The following TDG variants were observed in gnomAD, a reference collection of about 807,000 sequenced individuals.
The protein encoded by TDG is G/T mismatch-specific thymine DNA glycosylase.
TDG carries 23 observed loss-of-function variants against 46.1 expected under a neutral mutation model. The observed-to-expected ratio is 0.50, with a 90% CI of 0.36 to 0.71. The LOEUF (loss-of-function observed/expected upper bound fraction) is 0.71. Ranked by LOEUF, TDG falls within the 30% of genes least tolerant of loss-of-function variation. The pLI is 0.00. For missense variants in TDG, 304 were observed against 486.7 expected (o/e 0.62, Z 3.53); for synonymous variants, 115 against 161.3 (o/e 0.71, Z 2.18).
At chr12:103,982,220 A>G (rs895895490) in intron 4 of TDG, among the ~76,000 whole-genome samples, 48 of 152,230 alleles carry the variant, frequency 3.2e-4, no homozygotes, top group African/African-American at 1.1e-3. Flanking sequence ...TGGAACTAAT[A>G]ATAACATATT....
intron 1 of TDG, among the ~76,000 whole-genome samples, chr12:103,976,561 G>A (rs989043738): frequency 3.9e-5 from 6 of 152,204 alleles, no homozygotes; most frequent in Admixed American, 6.5e-5. Flanking sequence ...TGTATTTGGG[G>A]ACATCTTAAC....
intron 1 of TDG, among the ~76,000 whole-genome samples, chr12:103,973,188 G>A (rs919216068): frequency 1.3e-5 from 2 of 149,516 alleles, no homozygotes; most frequent in South Asian, 2.1e-4. Flanking sequence ...GGGTTCAAGC[G>A]ATTCTCCTAC....
intron 8 of TDG, among the ~76,000 whole-genome samples, chr12:103,985,132 C>T (rs1325941522): frequency 2.2e-5 from 3 of 134,172 alleles, no homozygotes; most frequent in African/African-American, 5.6e-5. Flanking sequence ...CACTTGTGTG[C>T]GTATACATAT....
intron 1 of TDG, among the ~76,000 whole-genome samples, chr12:103,974,269 C>CG (rs1298895617): frequency 2.1e-5 from 1 of 48,098 alleles, no homozygotes; most frequent in South Asian, 9.4e-4. Context: ...CATTTGCCCT[C>CG]TTTTGTTGTT....
chr12:103,973,672 T>A (rs1361719991), intron 1 of TDG, among the ~76,000 whole-genome samples: 2 of 152,122 alleles, frequency 1.3e-5, no homozygotes, highest in African/African-American at 4.8e-5. Flanking sequence ...AATAAAACTA[T>A]GGAAAAAAAG....
intron 1 of TDG, among the ~76,000 whole-genome samples, chr12:103,972,552 G>C (rs1402099999): frequency 6.6e-6 from 1 of 152,172 alleles, no homozygotes; most frequent in Admixed American, 6.5e-5. Context: ...CAGCTGTTGA[G>C]GTAAACAAAC....
At position 103,988,552 on chromosome 12, in the gene TDG, T is replaced by A. The variant is rs1463061019; in HGVS notation, c.*1462T>A. ...CATCAGGGATTAGGAGCAATTAAAT[T>A]ATTTTTTCACGGGACTGTGTAAAGC... On this transcript the variant is annotated 3_prime_UTR_variant, in exon 10 of 10. Transcript: ENST00000392872. 2.0e-5 allele frequency: 3 copies of A among 152,776 alleles called. No individual in the cohort carries two copies. The highest frequency in any genetic ancestry group is 7.2e-5 in the African/African-American group (3 of 41,488). 9.5% of individuals were successfully genotyped at this position (152,776 alleles called of 1,614,324 possible).
intron 3 of TDG, 93 bp from the exon 4 acceptor site, chr12:103,980,800 A>T: frequency 2.8e-6 from 3 of 1,056,006 alleles, no homozygotes; most frequent in Non-Finnish European, 2.8e-6. Flanking sequence ...TTGTATTTTA[A>T]TCAACTCAAT....
At position 103,987,254 on chromosome 12, in the gene TDG, A is replaced by T; in HGVS notation, c.*164A>T. On this transcript the variant is annotated 3_prime_UTR_variant, in exon 10 of 10. Coordinates refer to ENST00000392872, the MANE Select transcript of TDG (RefSeq NM_003211.6). ...TAGTGTGAACCGTATGAACCTAAGTAGTTTGGAAGAAAAAGTAGGGTTTTT... is the reference window on the plus strand; with the variant it reads ...TAGTGTGAACCGTATGAACCTAAGTTGTTTGGAAGAAAAAGTAGGGTTTTT... The T allele has an allele frequency of 9.9e-7, 1 of 1,013,856 alleles. No individual in the cohort carries two copies. 62.8% of individuals were successfully genotyped at this position (1,013,856 alleles called of 1,614,324 possible). A position where few individuals can be genotyped will look rare whatever the true frequency, so the allele number is the denominator to read the frequency against.
At chr12:103,966,961 C>A (rs534241188) in intron 1 of TDG, among the ~76,000 whole-genome samples, 2 of 152,204 alleles carry the variant, frequency 1.3e-5, no homozygotes, top group Non-Finnish European at 2.9e-5. Flanking sequence ...TGAAAGGGCA[C>A]ACTAACCAAA....
In TDG at chr12:103,984,744, T is replaced by A; in HGVS notation, c.793-5T>A. 1.7e-6 allele frequency: 1 copy of A among 581,598 alleles called. No individual in the cohort carries two copies. The highest frequency in any genetic ancestry group is 7.3e-5 in the Admixed American group (1 of 13,792). The allele number at this position is 581,598 out of a possible 1,614,324, so 36.0% of individuals were successfully genotyped here. A position where few individuals can be genotyped will look rare whatever the true frequency, so the allele number is the denominator to read the frequency against. Reference sequence around the variant, plus strand: ...TTCTGAAATTATAAAATGTTGTGATTCTAGCTCTGCTATGTTATGCCATCA... The same window carrying A: ...TTCTGAAATTATAAAATGTTGTGATACTAGCTCTGCTATGTTATGCCATCA... On this transcript the variant is annotated splice_polypyrimidine_tract_variant and splice_region_variant and intron_variant, in intron 7 of 9. Transcript: ENST00000392872.
chr12:103,976,786 C>A, intron 1 of TDG, 132 bp from the exon 2 acceptor site: 3 of 1,097,630 alleles, frequency 2.7e-6, no homozygotes, highest in Non-Finnish European at 3.9e-6. Flanking sequence ...CCTCTGTAAT[C>A]CACTCTAAAT....
rs553086441 is a variant in TDG at position 103,984,316 on chromosome 12, G to A, written c.793-433G>A. On this transcript the variant is annotated intron_variant, in intron 7 of 9. Coordinates refer to ENST00000392872, the MANE Select transcript of TDG (RefSeq NM_003211.6). ...CTCTGTTACATGCCATTTGGAGGCC[G>A]GGCGTGGTGGCTCATGCCTATAATC... Among the ~76,000 whole-genome samples, 9 of 152,198 alleles carry A rather than the reference G, an allele frequency of 5.9e-5. No individual in the cohort carries two copies. The South Asian group carries it at 1.2e-3, about 21-fold the overall frequency.
chr12:103,970,595 A>G (rs1037391050), intron 1 of TDG, among the ~76,000 whole-genome samples: 3 of 152,100 alleles, frequency 2.0e-5, no homozygotes, highest in African/African-American at 7.2e-5. Context: ...AAATACAGCA[A>G]ATCTAGCTAG....
chr12:103,976,895 C>G (rs368789665), intron 1 of TDG, 23 bp from the exon 2 acceptor site: 274 of 1,611,540 alleles, frequency 1.7e-4, no homozygotes, highest in Non-Finnish European at 2.2e-4. Flanking sequence ...ATCATTACAT[C>G]TCATGCTTCA....
chr12:103,978,099 G>A (rs1202960086), intron 2 of TDG, among the ~76,000 whole-genome samples: 1 of 151,882 alleles, frequency 6.6e-6, no homozygotes, highest in Non-Finnish European at 1.5e-5. Flanking sequence ...ACAAAACTTG[G>A]AGTCAAGGAG....
chr12:103,986,154 C>G (rs1468264670), intron 9 of TDG: 1 of 152,510 alleles, frequency 6.6e-6, no homozygotes, highest in Non-Finnish European at 1.5e-5. Context: ...ATCTCCTGAC[C>G]TCGTGATCTG....
chr12:103,984,625 A>T, intron 7 of TDG, 124 bp from the exon 8 acceptor site: 2 of 683,060 alleles, frequency 2.9e-6, no homozygotes, highest in Non-Finnish European at 2.0e-6. Context: ...ATTGATTTTT[A>T]CATATATTTA....
intron 1 of TDG, among the ~76,000 whole-genome samples, chr12:103,967,670 T>A (rs1460001818): frequency 6.6e-6 from 1 of 152,050 alleles, no homozygotes; most frequent in African/African-American, 2.4e-5. Flanking sequence ...TTGGCCAGGC[T>A]GGTCTTGAAC....
Sources: allele counts gnomAD v4.1 joint callset (sites outside exome capture counted in the v4.1 genomes callset), GRCh38; gene constraint gnomAD v4.1.1; transcripts MANE v1.5; gene names NCBI Gene and HGNC (gene_info 2026-07-23, HGNC 2026-07-21).